FBH1: variants seen among roughly 807,000 people sequenced by gnomAD.
FBH1 encodes the protein DNA 3'-5' helicase 1.
FBH1 carries 43 observed loss-of-function variants against 115.5 expected under a neutral mutation model. The ratio of observed to expected loss-of-function variants is 0.37; its 90% CI spans 0.29 to 0.48. The LOEUF (loss-of-function observed/expected upper bound fraction) is 0.48. Among genes scored for constraint, FBH1 ranks in the 20% least tolerant of loss-of-function variants. The probability of loss-of-function intolerance (pLI) is 0.99; values close to 1 mark genes in which losing one functional copy is unlikely to be tolerated. For synonymous variants in FBH1, 524 were observed against 507.8 expected (o/e 1.03, Z -0.43); for missense variants, 1,001 against 1,337.3 (o/e 0.75, Z 3.92).
rs955131777 is a variant in FBH1 at position 5,913,051 on chromosome 10, T to C, written c.1212-696T>C. 1.3e-4 allele frequency among the ~76,000 whole-genome samples: 20 copies of C among 152,068 alleles called. No individual in the cohort carries two copies. The highest frequency in any genetic ancestry group is 2.5e-4 in the Non-Finnish European group (17 of 68,006). On this transcript the variant is annotated intron_variant, in intron 6 of 20. Transcript: ENST00000362091. This position sits in a 1 kb window ranked among gnomAD's most constrained non-coding sequence, Gnocchi z 4.4. ...GATTGTTGGGGGAGCGAGTCCAAGC[T>C]CACCCCCGGTCTCCCCCACAGTCCA...
At chr10:5,919,113 C>G (rs1008899645) in intron 13 of FBH1, among the ~76,000 whole-genome samples, 1 of 152,188 alleles carries the variant, frequency 6.6e-6, no homozygotes, top group African/African-American at 2.4e-5. Context: ...AAAAATGGAA[C>G]ATGGTGCCAC....
chr10:5,916,044 C>G, intron 9 of FBH1, 190 bp from the exon 10 acceptor site: 1 of 599,304 alleles, frequency 1.7e-6, no homozygotes, highest in South Asian at 2.0e-5. Flanking sequence ...TGGGTTGGTA[C>G]ATGTGAGTCC....
intron 6 of FBH1, among the ~76,000 whole-genome samples, chr10:5,912,586 G>A (rs1051747307): frequency 1.3e-5 from 2 of 152,164 alleles, no homozygotes; most frequent in African/African-American, 4.8e-5. Context: ...TGGCACCAGG[G>A]GAGTGAGTGG....
chr10:5,904,656 T>C (rs1303610261), intron 2 of FBH1, among the ~76,000 whole-genome samples: 1 of 152,082 alleles, frequency 6.6e-6, no homozygotes, highest in African/African-American at 2.4e-5. Flanking sequence ...AGCCCAGAAG[T>C]GCCAGCCCAG....
At position 5,910,066 on chromosome 10, in the gene FBH1, G is replaced by C. The variant is rs1011342591; in HGVS notation, c.1020+772G>C. 6.6e-6 allele frequency among the ~76,000 whole-genome samples: 1 copy of C among 152,198 alleles called. No homozygotes were observed. The highest frequency in any genetic ancestry group is 1.5e-5 in the Non-Finnish European group (1 of 68,032). ...TGAGGCCAAGGCGGGTGGATCACCT[G>C]AGGTCAGGAGTTCGAGACCAGCCTG... On this transcript the variant is annotated intron_variant, in intron 5 of 20. Transcript: ENST00000362091. This position sits in a 1 kb window ranked among gnomAD's most constrained non-coding sequence, Gnocchi z 4.8.
intron 19 of FBH1, among the ~76,000 whole-genome samples, chr10:5,930,519 C>T (rs527612238): frequency 5.1e-4 from 78 of 152,302 alleles, no homozygotes; most frequent in African/African-American, 1.7e-3. Flanking sequence ...AGGCTTGATT[C>T]GATTCAAGCC....
Position 5,937,242 on chromosome 10 carries a change from C to T in FBH1, c.3094C>T (p.Leu1032=). Residue 1032 remains leucine, a synonymous_variant, in exon 21 of 21, where the codon CTG becomes TTG. Transcript: ENST00000362091. ...GGAGCGCACTGTGGAGAACATCGTA[C>T]TGCCCCGGCATGAGGCCCTGCTCTT... ...AMERTVENIV[L]PRHEALLFLV... is the part of the protein sequence containing the mutation. The T allele has an allele frequency of 1.2e-6, 2 of 1,611,854 alleles. No individual in the cohort carries two copies. The highest frequency in any genetic ancestry group is 1.7e-6 in the Non-Finnish European group (2 of 1,178,982).
In FBH1 at chr10:5,932,993, A is replaced by C. The variant is rs1833047212; in HGVS notation, c.2830-3463A>C. ...TAGCCTCCCAAAGTGCTAGGATTAC[A>C]GGCATGAGCCACTGCACCTGGCCAA... is the stretch of plus-strand genomic sequence containing the variant. On this transcript the variant is annotated intron_variant, in intron 19 of 20. Coordinates refer to ENST00000362091, the MANE Select transcript of FBH1 (RefSeq NM_178150.3). This position sits in a 1 kb window ranked among gnomAD's most constrained non-coding sequence, Gnocchi z 5.9. Among the ~76,000 whole-genome samples, 1 of 152,126 alleles carries C rather than the reference A, an allele frequency of 6.6e-6. No homozygotes were observed. Among genetic ancestry groups the C allele is most frequent in the African/African-American group, 2.4e-5 (1 of 41,430 alleles).
chr10:5,916,070 G>A, intron 9 of FBH1, 164 bp from the exon 10 acceptor site: 1 of 640,932 alleles, frequency 1.6e-6, no homozygotes, highest in Non-Finnish European at 2.7e-6. Context: ...GCCATTTCCA[G>A]TCAGACATGG....
In FBH1 at chr10:5,923,586, A is replaced by G. The variant is rs1185250844; in HGVS notation, c.2323-35A>G. On this transcript the variant is annotated intron_variant, in intron 15 of 20. Coordinates refer to ENST00000362091, the MANE Select transcript of FBH1 (RefSeq NM_178150.3). This position sits in a 1 kb window ranked among gnomAD's most constrained non-coding sequence, Gnocchi z 5.7. ...CAAACAAAACAAAACAAAAAACAAC[A>G]AAAAAACAAAAATCCCACCAAAAAA... 1.3e-6 allele frequency: 2 copies of G among 1,577,900 alleles called. No individual in the cohort carries two copies. The highest frequency in any genetic ancestry group is 2.2e-5 in the East Asian group (1 of 44,654).
At position 5,937,429 on chromosome 10, in the gene FBH1, C is replaced by G. The variant is rs1181592483; in HGVS notation, c.*149C>G. 3.9e-6 allele frequency: 3 copies of G among 776,660 alleles called. No homozygotes were observed. Among genetic ancestry groups the G allele is most frequent in the African/African-American group, 3.6e-5 (2 of 55,254 alleles). The allele number at this position is 776,660 out of a possible 1,614,324, so 48.1% of individuals were successfully genotyped here. A position where few individuals can be genotyped will look rare whatever the true frequency, so the allele number is the denominator to read the frequency against. ...AGGACACCAGCCCAAGCTGGACCTGCCATTTCTCCACTCCCTACAGACAGC... is the reference window on the plus strand; with the variant it reads ...AGGACACCAGCCCAAGCTGGACCTGGCATTTCTCCACTCCCTACAGACAGC... On this transcript the variant is annotated 3_prime_UTR_variant, in exon 21 of 21. Coordinates refer to ENST00000362091, the MANE Select transcript of FBH1 (RefSeq NM_178150.3).
rs187856792 is a variant in FBH1, at chr10:5,918,240, G to T, written c.1964-102G>T. 1.4e-6 allele frequency: 2 copies of T among 1,443,232 alleles called. No individual in the cohort carries two copies. Among genetic ancestry groups the T allele is most frequent in the Middle Eastern group, 1.8e-4 (1 of 5,644 alleles). The allele number at this position is 1,443,232 out of a possible 1,614,324, so 89.4% of individuals were successfully genotyped here. A position where few individuals can be genotyped will look rare whatever the true frequency, so the allele number is the denominator to read the frequency against. ...CAGGAAAAGGCGACCGTGAGGTCCA[G>T]TGTGCCCTGGCTTAGCTTCGTGGAA... On this transcript the variant is annotated intron_variant, in intron 12 of 20. Coordinates refer to ENST00000362091, the MANE Select transcript of FBH1 (RefSeq NM_178150.3). This position sits in a 1 kb window ranked among gnomAD's most constrained non-coding sequence, Gnocchi z 4.0.
chr10:5,926,690 C>T (rs1411900235), intron 18 of FBH1, among the ~76,000 whole-genome samples: 1 of 152,182 alleles, frequency 6.6e-6, no homozygotes, highest in Non-Finnish European at 1.5e-5. Context: ...GAGAAGTTTA[C>T]TATAGTACCA....
rs186901038 is a variant in FBH1 at position 5,909,834 on chromosome 10, G to A, written c.1020+540G>A. Among the ~76,000 whole-genome samples the A allele has an allele frequency of 1.6e-3, 248 of 152,284 alleles. No individual in the cohort carries two copies. Among genetic ancestry groups the A allele is most frequent in the Non-Finnish European group, 2.8e-3 (190 of 68,026 alleles). Reference sequence around the variant, plus strand: ...TGTGTTTTACTGGCCACAGAGGGCTGGGAACCCAGGCAACTGCATTTCTGT... The same window carrying A: ...TGTGTTTTACTGGCCACAGAGGGCTAGGAACCCAGGCAACTGCATTTCTGT... On this transcript the variant is annotated intron_variant, in intron 5 of 20. Coordinates refer to ENST00000362091, the MANE Select transcript of FBH1 (RefSeq NM_178150.3). The surrounding 1 kb of genome is among the most constrained non-coding windows in gnomAD (Gnocchi z 4.4).
In FBH1 at chr10:5,923,521, A is replaced by G; in HGVS notation, c.2323-100A>G. 2.2e-6 allele frequency: 2 copies of G among 918,340 alleles called. No homozygotes were observed. The highest frequency in any genetic ancestry group is 1.7e-5 in the African/African-American group (1 of 60,358). The allele number at this position is 918,340 out of a possible 1,614,324, so 56.9% of individuals were successfully genotyped here. A position where few individuals can be genotyped will look rare whatever the true frequency, so the allele number is the denominator to read the frequency against. On this transcript the variant is annotated intron_variant, in intron 15 of 20. Transcript: ENST00000362091. This position sits in a 1 kb window ranked among gnomAD's most constrained non-coding sequence, Gnocchi z 5.7. ...AGAAACCATCTCATTTCAAAACCCC[A>G]TCCCTGCATTTGCTTTATTTTGTTT...
Position 5,936,867 on chromosome 10 carries a change from C to A in FBH1, c.2962-243C>A. On this transcript the variant is annotated intron_variant, in intron 20 of 20. Coordinates refer to ENST00000362091, the MANE Select transcript of FBH1 (RefSeq NM_178150.3). The surrounding 1 kb of genome is among the most constrained non-coding windows in gnomAD (Gnocchi z 5.6). ...TCCCTGGGGTCCCAGCGCAGCTTTTCTTGGTTCTTTATCTTGACTGGATAA... is the reference window on the plus strand; with the variant it reads ...TCCCTGGGGTCCCAGCGCAGCTTTTATTGGTTCTTTATCTTGACTGGATAA... The A allele has an allele frequency of 1.7e-6, 1 of 601,706 alleles. No homozygotes were observed. The highest frequency in any genetic ancestry group is 2.9e-6 in the Non-Finnish European group (1 of 348,086). The allele number at this position is 601,706 out of a possible 1,614,324, so 37.3% of individuals were successfully genotyped here.
Position 5,924,157 on chromosome 10 carries a change from A to G in FBH1, c.2399-154A>G, listed in dbSNP as rs766864530. 1 of 677,410 alleles carries G rather than the reference A, an allele frequency of 1.5e-6. No homozygotes were observed. The highest frequency in any genetic ancestry group is 2.5e-6 in the Non-Finnish European group (1 of 394,386). The allele number at this position is 677,410 out of a possible 1,614,324, so 42.0% of individuals were successfully genotyped here. A position where few individuals can be genotyped will look rare whatever the true frequency, so the allele number is the denominator to read the frequency against. ...GCACTGCACTGACTTGCCCAGGGACACACAGCGAGTTAGTGATGCAGTCAG... is the reference window on the plus strand; with the variant it reads ...GCACTGCACTGACTTGCCCAGGGACGCACAGCGAGTTAGTGATGCAGTCAG... On this transcript the variant is annotated intron_variant, in intron 16 of 20. Coordinates refer to ENST00000362091, the MANE Select transcript of FBH1 (RefSeq NM_178150.3). The surrounding 1 kb of genome is among the most constrained non-coding windows in gnomAD (Gnocchi z 6.2).
rs1166909365 is a variant in FBH1, at chr10:5,931,689, T to C, written c.2829+4148T>C. On this transcript the variant is annotated intron_variant, in intron 19 of 20. Transcript: ENST00000362091. This position sits in a 1 kb window ranked among gnomAD's most constrained non-coding sequence, Gnocchi z 4.3. ...ATTTATTAGTCAAAATATCATGTTC[T>C]GAAGTCACTTAAAGTAAGTCCTTTT... is the stretch of plus-strand genomic sequence containing the variant. Among the ~76,000 whole-genome samples the C allele has an allele frequency of 1.3e-5, 2 of 152,272 alleles. No homozygotes were observed. Among genetic ancestry groups the C allele is most frequent in the African/African-American group, 2.4e-5 (1 of 41,476 alleles).
rs1843676418 is a variant in FBH1 at position 5,906,149 on chromosome 10, G to A, written c.270G>A (p.Glu90=). The change falls in exon 3 of 21, where the codon GAG becomes GAA. Residue 90 remains glutamate (E), a synonymous_variant. Coordinates refer to ENST00000362091, the MANE Select transcript of FBH1 (RefSeq NM_178150.3). This position sits in a 1 kb window ranked among gnomAD's most constrained non-coding sequence, Gnocchi z 7.3. ...GCCAGGACAGCTGTCAGGACTCTGA[G>A]GGTGACATGATCTTTCCTGCAGAGA... ...SVGQDSCQDS[E]GDMIFPAESS... The A allele has an allele frequency of 6.2e-7, 1 of 1,614,060 alleles. No individual in the cohort carries two copies. The highest frequency in any genetic ancestry group is 1.3e-5 in the African/African-American group (1 of 74,924).
Sources: gnomAD v4.1 joint callset for allele counts (sites outside exome capture counted in the v4.1 genomes callset) on GRCh38, gnomAD v4.1.1 for gene constraint, Gnocchi (gnomAD v3.1) non-coding constraint, MANE v1.5 for transcripts, NCBI Gene and HGNC (gene_info 2026-07-23, HGNC 2026-07-21) for gene names.